MEF2B: variants seen among roughly 807,000 people sequenced by gnomAD.
MEF2B encodes the protein myocyte enhancer factor 2B.
In MEF2B, 15 loss-of-function variants were observed where a neutral mutation model predicts 32.2. That is an observed-to-expected ratio of 0.47 (90% CI 0.31 to 0.72). The LOEUF is 0.72. Among genes scored for constraint, MEF2B ranks in the 30% least tolerant of loss-of-function variants. MEF2B has a pLI of 0.05. For missense variants in MEF2B, 441 were observed against 511.5 expected (o/e 0.86, Z 1.33); for synonymous variants, 205 against 225.6 (o/e 0.91, Z 0.82).
intron 2 of MEF2B, among the ~76,000 whole-genome samples, chr19:19,150,178 G>A (rs1399599125): frequency 2.9e-4 from 31 of 107,864 alleles, no homozygotes; most frequent in African/African-American, 7.6e-4. Flanking sequence ...GAAGGAGGGA[G>A]GGAGGGAAGG....
At chr19:19,164,233 G>A (rs73535580) in intron 1 of MEF2B, among the ~76,000 whole-genome samples, 25,144 of 152,072 alleles carry the variant, frequency 0.17, 2,392 homozygotes, top group East Asian at 0.37. Flanking sequence ...CTCCCAAAGT[G>A]CTGGGATTAC....
chr19:19,161,477 AC>A (rs961135947), intron 1 of MEF2B, among the ~76,000 whole-genome samples: 1 of 151,770 alleles, frequency 6.6e-6, no homozygotes, highest in African/African-American at 2.4e-5. Context: ...AAACCCCCCA[AC>A]CCACACAGCT....
chr19:19,161,638 C>T (rs1209639202), intron 1 of MEF2B, among the ~76,000 whole-genome samples: 1 of 151,938 alleles, frequency 6.6e-6, no homozygotes, highest in Non-Finnish European at 1.5e-5. Flanking sequence ...GGCCGTCCCG[C>T]AAATACACAC....
intron 1 of MEF2B, 71 bp downstream of exon 1, chr19:19,170,134 C>A: frequency 2.5e-6 from 1 of 398,384 alleles, no homozygotes; most frequent in South Asian, 1.3e-4. Flanking sequence ...ACCCGGACCT[C>A]CAAAACCCAC....
intron 5 of MEF2B, 26 bp downstream of exon 5, chr19:19,147,010 C>T: frequency 1.3e-6 from 2 of 1,577,138 alleles, no homozygotes; most frequent in Non-Finnish European, 1.7e-6. Context: ...CAGGACCTCA[C>T]CCCTGCCCCA....
At chr19:19,160,858 G>A (rs1475909612) in intron 1 of MEF2B, among the ~76,000 whole-genome samples, 7 of 152,020 alleles carry the variant, frequency 4.6e-5, no homozygotes, top group Admixed American at 3.3e-4. Flanking sequence ...AGCTGCAGGC[G>A]ACCCTCCCTC....
chr19:19,149,403 C>A lies in MEF2B; in HGVS notation c.81G>T (p.Gly27=), dbSNP rs765471065. The A allele has an allele frequency of 6.2e-7, 1 of 1,613,996 alleles. No individual in the cohort carries two copies. The highest frequency in any genetic ancestry group is 1.1e-5 in the South Asian group (1 of 91,082). Residue 27 remains glycine, a synonymous_variant, in exon 3 of 9, where the codon GGG becomes GGT. Transcript: ENST00000424583. ...TCAGCTCATAGGCCTTCTTCATCAG[C>A]CCGAACTTCCGCTTGGTGAACGTCA... ...RQVTFTKRKF[G]LMKKAYELSV...
rs189713350 is a variant in MEF2B at position 19,162,197 on chromosome 19, C to A, written c.-30+8008G>T. ...GCAGTGGTGCCATCATAGCTCACTGCAGCCTCCAATTCCTGGGCTTAAGCA... is the reference window on the plus strand; with the variant it reads ...GCAGTGGTGCCATCATAGCTCACTGAAGCCTCCAATTCCTGGGCTTAAGCA... On this transcript the variant is annotated intron_variant, in intron 1 of 8. Coordinates refer to ENST00000424583, the MANE Select transcript of MEF2B (RefSeq NM_001145785.2). Among the ~76,000 whole-genome samples the A allele has an allele frequency of 7.7e-4, 118 of 152,290 alleles. 2 individuals carry two copies. The highest frequency in any genetic ancestry group is 6.9e-3 in the Admixed American group (105 of 15,284).
chr19:19,153,055 G>A (rs1406919719), intron 1 of MEF2B, among the ~76,000 whole-genome samples: 1 of 152,224 alleles, frequency 6.6e-6, no homozygotes, highest in Non-Finnish European at 1.5e-5. Flanking sequence ...TCCCTGGGGG[G>A]TGGACGGGGG....
rs760971211 is a variant in MEF2B, at chr19:19,149,382, C to G, written c.102G>C (p.Glu34Asp). The G allele has an allele frequency of 6.2e-7, 1 of 1,614,026 alleles. No individual in the cohort carries two copies. Among genetic ancestry groups the G allele is most frequent in the Admixed American group, 1.7e-5 (1 of 59,986 alleles). ...TCTCACAGTCACAGAGCACGCTCAG[C>G]TCATAGGCCTTCTTCATCAGCCCGA... ...RKFGLMKKAYELSVLCDCEIA... is the reference protein window; with the variant it reads ...RKFGLMKKAYDLSVLCDCEIA... The change falls in exon 3 of 9, where the codon GAG becomes GAC. Residue 34 changes from glutamate to aspartate, a missense_variant. By Grantham distance (45) the Glu-to-Asp change is conservative. Transcript: ENST00000424583.
intron 1 of MEF2B, among the ~76,000 whole-genome samples, chr19:19,166,018 C>G (rs956273741): frequency 9.9e-5 from 15 of 152,094 alleles, no homozygotes; most frequent in African/African-American, 3.6e-4. Context: ...ACTGTCTGCC[C>G]GGGCCCACAC....
chr19:19,151,753 TCA>T (rs1041808333), intron 1 of MEF2B, among the ~76,000 whole-genome samples: 4 of 152,184 alleles, frequency 2.6e-5, no homozygotes, highest in Middle Eastern at 3.4e-3. Flanking sequence ...TCCCCAGGCC[TCA>T]GTTTGCTCTT....
intron 1 of MEF2B, among the ~76,000 whole-genome samples, chr19:19,161,195 G>A (rs1374294842): frequency 6.6e-6 from 1 of 152,016 alleles, no homozygotes; most frequent in Non-Finnish European, 1.5e-5. Context: ...CTCTCAGAAG[G>A]CCTTGGGGTC....
chr19:19,152,750 G>T (rs1190436825), intron 1 of MEF2B, among the ~76,000 whole-genome samples: 1 of 152,186 alleles, frequency 6.6e-6, no homozygotes, highest in Non-Finnish European at 1.5e-5. Flanking sequence ...GTGTTCTCAG[G>T]GCTTCCCAGA....
chr19:19,150,180 GA>G (rs2060063287), intron 2 of MEF2B, among the ~76,000 whole-genome samples: 1 of 110,282 alleles, frequency 9.1e-6, no homozygotes, highest in Non-Finnish European at 1.9e-5. Context: ...AGGAGGGAGG[GA>G]GGGAAGGAAG....
intron 1 of MEF2B, among the ~76,000 whole-genome samples, chr19:19,166,358 G>A (rs1267463394): frequency 6.6e-6 from 1 of 152,118 alleles, no homozygotes; most frequent in Non-Finnish European, 1.5e-5. Context: ...TTTGGGGGCT[G>A]AGAAATGGGA....
intron 8 of MEF2B, 124 bp downstream of exon 8, chr19:19,146,149 T>A: frequency 1.1e-6 from 1 of 932,568 alleles, no homozygotes; most frequent in Non-Finnish European, 1.5e-6. Context: ...CGGTCCCTCT[T>A]GGGGCCTCAA....
At chr19:19,159,240 C>CT (rs1190275637) in intron 1 of MEF2B, among the ~76,000 whole-genome samples, 1 of 49,184 alleles carries the variant, frequency 2.0e-5, no homozygotes, top group East Asian at 8.6e-4. Flanking sequence ...AGTGCGTGGC[C>CT]TAAAAAAAAA....
intron 1 of MEF2B, among the ~76,000 whole-genome samples, chr19:19,164,184 C>T (rs1346052929): frequency 1.3e-5 from 2 of 152,086 alleles, no homozygotes; most frequent in African/African-American, 4.8e-5. Flanking sequence ...TCAGAATGGT[C>T]TCGAACTCCT....
Sources: gnomAD v4.1 joint callset for allele counts (sites outside exome capture counted in the v4.1 genomes callset) on GRCh38, gnomAD v4.1.1 for gene constraint, MANE v1.5 for transcripts, NCBI Gene and HGNC (gene_info 2026-07-23, HGNC 2026-07-21) for gene names.